Variants in SDK1 observed in about 807,000 individuals in gnomAD.
The protein encoded by SDK1 is protein sidekick-1.
A neutral mutation model predicts 245.5 loss-of-function variants in SDK1; 157 were observed. That is an observed-to-expected ratio of 0.64 (90% CI 0.56 to 0.73). The LOEUF is 0.73. SDK1 is among the 30% of genes least tolerant of loss of function. The pLI, the probability that SDK1 is intolerant of heterozygous loss-of-function variation, is 0.00. For missense variants in SDK1, 3,583 were observed against 3,002.3 expected (o/e 1.19, Z -4.52); for synonymous variants, 1,647 against 1,278.5 (o/e 1.29, Z -6.15).
chr7:3,448,437 C>G (rs773864721), intron 1 of SDK1, among the ~76,000 whole-genome samples: 39 of 151,740 alleles, frequency 2.6e-4, no homozygotes, highest in Admixed American at 4.6e-4. Context: ...TTTTCCCAGT[C>G]TATGTATTTT....
At chr7:4,103,505 C>T (rs985788753) in intron 22 of SDK1, among the ~76,000 whole-genome samples, 1 of 152,140 alleles carries the variant, frequency 6.6e-6, no homozygotes, top group African/African-American at 2.4e-5. Context: ...AAAATGTAAA[C>T]CTTTTATTAT....
At chr7:3,386,702 G>C (rs777286227) in intron 1 of SDK1, among the ~76,000 whole-genome samples, 5 of 152,172 alleles carry the variant, frequency 3.3e-5, no homozygotes, top group African/African-American at 7.2e-5. Context: ...AGCTTCTGTA[G>C]GTAGGGAGTG....
At chr7:4,061,196 G>A (rs992280713) in intron 19 of SDK1, among the ~76,000 whole-genome samples, 5 of 152,030 alleles carry the variant, frequency 3.3e-5, no homozygotes, top group African/African-American at 1.2e-4. Flanking sequence ...TTGGTAGCTT[G>A]ATGGGGATGG....
intron 5 of SDK1, among the ~76,000 whole-genome samples, chr7:3,929,775 G>A (rs1054227381): frequency 2.6e-5 from 4 of 152,038 alleles, no homozygotes; most frequent in Admixed American, 2.6e-4. Flanking sequence ...GTAGATAGGT[G>A]GAGAGGTGTA....
At chr7:3,730,267 A>C (rs1301298588) in intron 4 of SDK1, among the ~76,000 whole-genome samples, 1 of 152,182 alleles carries the variant, frequency 6.6e-6, no homozygotes, top group African/African-American at 2.4e-5. Context: ...AATTTCTGCA[A>C]ATGATGGGAG....
At chr7:4,201,601 C>G (rs559332843) in intron 35 of SDK1, among the ~76,000 whole-genome samples, 20 of 152,238 alleles carry the variant, frequency 1.3e-4, no homozygotes, top group Non-Finnish European at 2.6e-4. Context: ...ATGGTCTATC[C>G]TGGTCCAGTA....
chr7:3,832,673 A>G (rs974526512), intron 5 of SDK1, among the ~76,000 whole-genome samples: 1 of 152,206 alleles, frequency 6.6e-6, no homozygotes, highest in Non-Finnish European at 1.5e-5. Flanking sequence ...ATCAGAAATA[A>G]TAGGAACCAG....
rs552965111 is a variant in SDK1, at chr7:3,366,793, G to A, written c.298+64909G>A. 9.9e-5 allele frequency among the ~76,000 whole-genome samples: 15 copies of A among 152,140 alleles called. No individual in the cohort carries two copies. In the South Asian group the frequency reaches 2.9e-3, roughly 30 times the overall value. The stretch of plus-strand genomic sequence containing the variant: ...AGTCTTGCTCTGTCACCAGGTTGGA[G>A]TGCAGTGGCGTGATCTCAGCTCACT... On this transcript the variant is annotated intron_variant, in intron 1 of 44. Coordinates refer to ENST00000404826, the MANE Select transcript of SDK1 (RefSeq NM_152744.4).
intron 4 of SDK1, among the ~76,000 whole-genome samples, chr7:3,792,048 A>T (rs1781110395): frequency 1.3e-5 from 2 of 152,046 alleles, no homozygotes; most frequent in Non-Finnish European, 2.9e-5. Context: ...GGATTGCTTG[A>T]ACCCGGGAGT....
chr7:3,965,338 G>A (rs924751816), intron 9 of SDK1, among the ~76,000 whole-genome samples: 5 of 152,024 alleles, frequency 3.3e-5, no homozygotes, highest in African/African-American at 1.2e-4. Context: ...CATTAAAATG[G>A]AGCTAACCAA....
intron 1 of SDK1, among the ~76,000 whole-genome samples, chr7:3,617,713 T>G (rs1442059294): frequency 2.0e-5 from 3 of 152,154 alleles, no homozygotes; most frequent in Non-Finnish European, 2.9e-5. Context: ...CCCTTTTTAT[T>G]AGGACCCCTC....
chr7:3,757,443 C>T (rs567410859), intron 4 of SDK1, among the ~76,000 whole-genome samples: 1 of 152,168 alleles, frequency 6.6e-6, no homozygotes, highest in East Asian at 1.9e-4. Context: ...CACTGTGTTG[C>T]CTAGGCTGGT....
intron 35 of SDK1, among the ~76,000 whole-genome samples, chr7:4,196,962 C>T (rs74808138): frequency 8.9e-4 from 135 of 152,302 alleles, no homozygotes; most frequent in African/African-American, 2.9e-3. Flanking sequence ...GGAATGAGAC[C>T]GTCTAGGCTT....
intron 28 of SDK1, among the ~76,000 whole-genome samples, chr7:4,138,163 A>G (rs1779220009): frequency 6.6e-6 from 1 of 152,216 alleles, no homozygotes. Flanking sequence ...GATTTCTGCA[A>G]TTAGCAGGGA....
intron 35 of SDK1, among the ~76,000 whole-genome samples, chr7:4,187,143 C>A (rs1355431689): frequency 1.3e-5 from 2 of 152,106 alleles, no homozygotes; most frequent in African/African-American, 4.8e-5. Flanking sequence ...GGGCTTGCTG[C>A]TACATGAGGC....
intron 4 of SDK1, among the ~76,000 whole-genome samples, chr7:3,725,372 A>G (rs6953733): frequency 0.15 from 22,788 of 152,084 alleles, 2,565 homozygotes; most frequent in African/African-American, 0.31. Flanking sequence ...AGGAGGAGGG[A>G]CTTGGCAGAG....
chr7:3,551,302 G>C (rs1779401678), intron 1 of SDK1, among the ~76,000 whole-genome samples: 2 of 152,050 alleles, frequency 1.3e-5, no homozygotes, highest in South Asian at 4.2e-4. Context: ...ATGAGCATCT[G>C]GGTACTATTT....
chr7:3,825,274 G>C lies in SDK1; in HGVS notation c.847+3691G>C, dbSNP rs548865485. ...ACGTTGAGTTAACCTTTGTGGAACA[G>C]AACTTCTGAACTGAATTACTATGTG... is the stretch of plus-strand genomic sequence containing the variant. On this transcript the variant is annotated intron_variant, in intron 5 of 44. Transcript: ENST00000404826. 1.5e-4 allele frequency among the ~76,000 whole-genome samples: 19 copies of C among 125,896 alleles called. No homozygotes were observed. The South Asian group carries it at 4.3e-3, about 28-fold the overall frequency. The allele number at this position is 125,896 out of a possible 152,430, so 82.6% of individuals were successfully genotyped here.
intron 4 of SDK1, among the ~76,000 whole-genome samples, chr7:3,714,070 C>T (rs1237353608): frequency 6.6e-6 from 1 of 152,148 alleles, no homozygotes; most frequent in South Asian, 2.1e-4. Context: ...AGTCGTGAGC[C>T]GGCTGCCTGA....
Sources: allele counts gnomAD v4.1 joint callset (sites outside exome capture counted in the v4.1 genomes callset), GRCh38; gene constraint gnomAD v4.1.1; transcripts MANE v1.5; gene names NCBI Gene and HGNC (gene_info 2026-07-23, HGNC 2026-07-21).